SPTY2D1: variants seen among roughly 807,000 people sequenced by gnomAD.
SPTY2D1 encodes the protein protein SPT2 homolog.
In SPTY2D1, 21 loss-of-function variants were observed where a neutral mutation model predicts 64.0. That is an observed-to-expected ratio of 0.33 (90% CI 0.23 to 0.47). The LOEUF (loss-of-function observed/expected upper bound fraction) is 0.47, where lower values mean the gene tolerates loss of function less well. Among genes scored for constraint, SPTY2D1 ranks in the 20% least tolerant of loss-of-function variants. SPTY2D1 has a pLI of 1.00. For missense variants in SPTY2D1, 724 were observed against 837.2 expected (o/e 0.86, Z 1.67); for synonymous variants, 287 against 286.8 (o/e 1.00, Z -0.01).
In SPTY2D1 at chr11:18,616,021, T is replaced by C. The variant is rs1355724522; in HGVS notation, c.253A>G (p.Met85Val). The C allele has an allele frequency of 1.2e-6, 2 of 1,614,158 alleles. No individual in the cohort carries two copies. The highest frequency in any genetic ancestry group is 1.1e-5 in the South Asian group (1 of 91,084). The change falls in exon 3 of 6, where the codon ATG becomes GTG. Residue 85 changes from methionine to valine, a missense_variant. By Grantham distance (21) the Met-to-Val change is conservative (BLOSUM62 1). Coordinates refer to ENST00000336349, the MANE Select transcript of SPTY2D1 (RefSeq NM_194285.3). Reference sequence around the variant, plus strand: ...AAATTATCCTTTGTCCTCTTGGCCATAGCTCTTGCTTTCTTGTCATGTTTG... The same window carrying C: ...AAATTATCCTTTGTCCTCTTGGCCACAGCTCTTGCTTTCTTGTCATGTTTG... ...ELKHDKKARA[M>V]AKRTKDNFHG...
intron 1 of SPTY2D1, among the ~76,000 whole-genome samples, chr11:18,617,710 G>C (rs1590401974): frequency 6.6e-6 from 1 of 151,976 alleles, no homozygotes; most frequent in South Asian, 2.1e-4. Context: ...GGGCGGCTGA[G>C]GTGGGAGGAT....
chr11:18,633,999 A>C (rs142950215), intron 1 of SPTY2D1, among the ~76,000 whole-genome samples, 199 bp downstream of exon 1: 45 of 152,296 alleles, frequency 3.0e-4, no homozygotes, highest in Admixed American at 2.0e-3. Context: ...AAACCCATTC[A>C]CAGGAAGGCT....
rs1854137406 is a variant in SPTY2D1, at chr11:18,608,050, A to G, written c.*1811T>C. On this transcript the variant is annotated 3_prime_UTR_variant, in exon 6 of 6. Coordinates refer to ENST00000336349, the MANE Select transcript of SPTY2D1 (RefSeq NM_194285.3). ...GGAATAAAAGCACATAAATGGCAGC[A>G]GAGGAATTGATGTTCTAAGCCTGTT... is the stretch of plus-strand genomic sequence containing the variant. 1 of 152,656 alleles carries G rather than the reference A, an allele frequency of 6.6e-6. No homozygotes were observed. Among genetic ancestry groups the G allele is most frequent in the Non-Finnish European group, 1.5e-5 (1 of 68,046 alleles). The allele number at this position is 152,656 out of a possible 1,614,324, so 9.5% of individuals were successfully genotyped here.
At chr11:18,621,316 C>G (rs1854392130) in intron 1 of SPTY2D1, among the ~76,000 whole-genome samples, 1 of 96,112 alleles carries the variant, frequency 1.0e-5, no homozygotes, top group African/African-American at 5.4e-5. Context: ...AACTCTGTCT[C>G]AAAAAACAGA....
rs1339361451 is a variant in SPTY2D1, at chr11:18,608,848, G to A, written c.*1013C>T. The A allele has an allele frequency of 6.6e-6, 1 of 152,550 alleles. No individual in the cohort carries two copies. Among genetic ancestry groups the A allele is most frequent in the Non-Finnish European group, 1.5e-5 (1 of 68,038 alleles). The allele number at this position is 152,550 out of a possible 1,614,324, so 9.4% of individuals were successfully genotyped here. ...GCAATATGGGCAAAAAGAGAAGGTG[G>A]TGCTCTCGATACCATAAATTTAGTT... On this transcript the variant is annotated 3_prime_UTR_variant, in exon 6 of 6. Transcript: ENST00000336349.
intron 1 of SPTY2D1, among the ~76,000 whole-genome samples, chr11:18,624,666 C>A (rs1456960575): frequency 6.6e-6 from 1 of 152,184 alleles, no homozygotes; most frequent in Non-Finnish European, 1.5e-5. Context: ...AGTCTAGAAA[C>A]ATGTGTACAC....
rs562399452 is a variant in SPTY2D1 at position 18,608,955 on chromosome 11, T to C, written c.*906A>G. ...TAATGTCAAGAGGTATGAGGGCACC[T>C]TGGGATTTCAAAATATCTTTATGAT... On this transcript the variant is annotated 3_prime_UTR_variant, in exon 6 of 6. Transcript: ENST00000336349. The C allele has an allele frequency of 2.7e-5, 4 of 149,840 alleles. No individual in the cohort carries two copies. The highest frequency in any genetic ancestry group is 7.3e-5 in the African/African-American group (3 of 41,184). 9.3% of individuals were successfully genotyped at this position (149,840 alleles called of 1,614,324 possible).
chr11:18,614,964 T>C lies in SPTY2D1; in HGVS notation c.1310A>G (p.Gln437Arg), dbSNP rs1261454417. The change falls in exon 3 of 6, where the codon CAA (glutamine) becomes CGA (arginine). Residue 437 changes from glutamine (Q) to arginine (R), a missense_variant. Transcript: ENST00000336349. ...RTVSGTCGPG[Q>R]PASSSGGPGR... is the part of the protein sequence containing the mutation. Reference sequence around the variant, plus strand: ...AGGGCCACCTGAGCTGCTTGCAGGTTGTCCAGGGCCACATGTACCACTGAC... The same window carrying C: ...AGGGCCACCTGAGCTGCTTGCAGGTCGTCCAGGGCCACATGTACCACTGAC... 5 of 1,614,026 alleles carry C rather than the reference T, an allele frequency of 3.1e-6. No homozygotes were observed. The highest frequency in any genetic ancestry group is 1.6e-4 in the Middle Eastern group (1 of 6,062).
rs767051711 is a variant in SPTY2D1 at position 18,606,892 on chromosome 11, G to A, written c.*2969C>T. 1 of 343,070 alleles carries A rather than the reference G, an allele frequency of 2.9e-6. No homozygotes were observed. Among genetic ancestry groups the A allele is most frequent in the Non-Finnish European group, 5.4e-6 (1 of 184,474 alleles). The allele number at this position is 343,070 out of a possible 1,614,324, so 21.3% of individuals were successfully genotyped here. A position where few individuals can be genotyped will look rare whatever the true frequency, so the allele number is the denominator to read the frequency against. On this transcript the variant is annotated 3_prime_UTR_variant, in exon 6 of 6. Coordinates refer to ENST00000336349, the MANE Select transcript of SPTY2D1 (RefSeq NM_194285.3). ...TCTTTTTTTTTTGACATGGAGTCTC[G>A]CTCTGTCACCCAGCCTGGAGTGCAG...
intron 1 of SPTY2D1, 22 bp from the exon 2 acceptor site, chr11:18,617,011 G>A: frequency 6.2e-7 from 1 of 1,603,288 alleles, no homozygotes; most frequent in Non-Finnish European, 8.5e-7. Context: ...AACAGTAAAA[G>A]TTAGAAGCAA....
At chr11:18,616,732 G>GACACAC (rs72301459) in intron 2 of SPTY2D1, 143 bp downstream of exon 2, 63 of 487,630 alleles carry the variant, frequency 1.3e-4, no homozygotes, top group South Asian at 2.0e-4. Flanking sequence ...AGTTAACCTG[G>GACACAC]ACACACACAC....
At chr11:18,621,308 C>T (rs1196142009) in intron 1 of SPTY2D1, among the ~76,000 whole-genome samples, 1 of 121,694 alleles carries the variant, frequency 8.2e-6, no homozygotes, top group Non-Finnish European at 1.7e-5. Context: ...AAGAGTGAAA[C>T]TCTGTCTCAA....
chr11:18,622,954 A>AAC (rs1854439029), intron 1 of SPTY2D1, among the ~76,000 whole-genome samples: 4 of 149,220 alleles, frequency 2.7e-5, no homozygotes, highest in Non-Finnish European at 5.9e-5. Context: ...CTCTGTCTCA[A>AAC]AACAACAACA....
chr11:18,619,352 C>T (rs956982170), intron 1 of SPTY2D1, among the ~76,000 whole-genome samples: 2 of 151,548 alleles, frequency 1.3e-5, no homozygotes, highest in Non-Finnish European at 2.9e-5. Context: ...GGCGCAGTGG[C>T]TCAAGCCTGT....
intron 3 of SPTY2D1, among the ~76,000 whole-genome samples, chr11:18,613,086 T>C (rs913967518): frequency 6.6e-6 from 1 of 152,178 alleles, no homozygotes; most frequent in African/African-American, 2.4e-5. Flanking sequence ...TTTCTAAAAA[T>C]AAATACAATT....
At chr11:18,621,614 T>C (rs901718350) in intron 1 of SPTY2D1, among the ~76,000 whole-genome samples, 2 of 152,212 alleles carry the variant, frequency 1.3e-5, no homozygotes, top group African/African-American at 2.4e-5. Context: ...GCAGTACTTG[T>C]TGTACTGTCC....
intron 1 of SPTY2D1, among the ~76,000 whole-genome samples, chr11:18,619,518 G>A (rs1046952699): frequency 7.3e-5 from 11 of 151,694 alleles, no homozygotes; most frequent in African/African-American, 2.7e-4. Context: ...CAGAACTTTG[G>A]GAGGCTGAGG....
chr11:18,616,879 T>G lies in SPTY2D1; in HGVS notation c.171A>C (p.Arg57=). 6.2e-7 allele frequency: 1 copy of G among 1,614,038 alleles called. No individual in the cohort carries two copies. The highest frequency in any genetic ancestry group is 8.5e-7 in the Non-Finnish European group (1 of 1,179,926). Residue 57 remains arginine (R), a synonymous_variant, in exon 2 of 6, where the codon CGA becomes CGC. Coordinates refer to ENST00000336349, the MANE Select transcript of SPTY2D1 (RefSeq NM_194285.3). ...FLKRKEEELR[R]KALEEKRRKE... ...AATAAGGCTATAGATACATACCTTT[T>G]CGTCTCAGCTCCTCTTCTTTCCTTT... is the stretch of plus-strand genomic sequence containing the variant.
chr11:18,632,678 T>C (rs1484886235), intron 1 of SPTY2D1, among the ~76,000 whole-genome samples: 4 of 152,226 alleles, frequency 2.6e-5, no homozygotes, highest in Non-Finnish European at 5.9e-5. Context: ...TTTTCCCCTT[T>C]TTGATTCTTC....
Sources: gnomAD v4.1 joint callset for allele counts (sites outside exome capture counted in the v4.1 genomes callset) on GRCh38, gnomAD v4.1.1 for gene constraint, MANE v1.5 for transcripts, NCBI Gene and HGNC (gene_info 2026-07-23, HGNC 2026-07-21) for gene names.